The following RP1 variants were observed in gnomAD, a reference collection of about 807,000 sequenced individuals.
The protein encoded by RP1 is RP1 axonemal microtubule associated, also known as oxygen-regulated protein 1.
Under a neutral mutation model 14.8 loss-of-function variants are expected in RP1, and 16 were observed. The observed-to-expected ratio is 1.08, with a 90% CI of 0.73 to 1.65. The LOEUF (loss-of-function observed/expected upper bound fraction) is 1.65. Ranked by LOEUF, RP1 falls within the 40% of genes most tolerant of loss-of-function variation. RP1 has a pLI of 0.00. For missense variants in RP1, 2,631 were observed against 2,535.0 expected, an observed-to-expected ratio of 1.04 and a Z score of -0.81; for synonymous variants, 876 against 883.6, an observed-to-expected ratio of 0.99 and a Z score of 0.15.
chr8:54,831,111 G>T (rs1430845072), intron 24 of RP1, among the ~76,000 whole-genome samples: 1 of 151,876 alleles, frequency 6.6e-6, no homozygotes, highest in Non-Finnish European at 1.5e-5. Flanking sequence ...ATCAATTGTT[G>T]GACATTTGGT....
chr8:54,798,069 A>G (rs1810617324), intron 24 of RP1, among the ~76,000 whole-genome samples: 1 of 152,064 alleles, frequency 6.6e-6, no homozygotes, highest in South Asian at 2.1e-4. Context: ...GCTGGAGTGC[A>G]GTGGTGGGAT....
chr8:54,733,202 G>C lies in RP1; in HGVS notation c.2522-1343G>C, dbSNP rs72650355. Among the ~76,000 whole-genome samples, 431 of 152,180 alleles carry C rather than the reference G, an allele frequency of 2.8e-3. 2 individuals carry two copies. Among genetic ancestry groups the C allele is most frequent in the South Asian group, 0.013 (63 of 4,818 alleles). ...CATAGTTTACTTATTATGTGACTTG[G>C]CTATATTATTTAACTTCCCTGCTTC... On this transcript the variant is annotated intron_variant, in intron 17 of 22. Transcript: ENST00000636932.
chr8:54,716,342 A>AT (rs1808403284), intron 15 of RP1, among the ~76,000 whole-genome samples: 1 of 151,984 alleles, frequency 6.6e-6, no homozygotes, highest in Non-Finnish European at 1.5e-5. Flanking sequence ...GTCAATAATA[A>AT]TTTTTTTAAA....
chr8:54,632,433 A>G (rs966450975), downstream of RP1, among the ~76,000 whole-genome samples: 1 of 152,204 alleles, frequency 6.6e-6, no homozygotes, highest in African/African-American at 2.4e-5. Context: ...CTTTAAACAT[A>G]CTTCTTTAAA....
chr8:54,773,794 T>C (rs1275191144), downstream of RP1, among the ~76,000 whole-genome samples: 1 of 152,226 alleles, frequency 6.6e-6, no homozygotes, highest in East Asian at 1.9e-4. Flanking sequence ...ATGACTCAGC[T>C]TCCTACATGC....
At chr8:54,801,242 C>T (rs933377672) in intron 24 of RP1, among the ~76,000 whole-genome samples, 3 of 152,168 alleles carry the variant, frequency 2.0e-5, no homozygotes, top group Non-Finnish European at 4.4e-5. Flanking sequence ...CAGCTCACAG[C>T]TGTATTCCAC....
chr8:54,674,955 T>G (rs1807262190), intron 8 of RP1, among the ~76,000 whole-genome samples: 1 of 152,208 alleles, frequency 6.6e-6, no homozygotes, highest in Non-Finnish European at 1.5e-5. Flanking sequence ...ACTCCCACAG[T>G]GAGGCAAATG....
rs1808609208 is a variant in RP1, at chr8:54,724,570, G to A, written c.2390-1775G>A. ...TTTGTTTTACATTGCTAGTGATACA[G>A]TTTTCACTTTTTTTTTTAAATTGTA... On this transcript the variant is annotated intron_variant, in intron 16 of 22. Transcript: ENST00000636932. 1.3e-5 allele frequency among the ~76,000 whole-genome samples: 2 copies of A among 152,006 alleles called. 1 individual carries two copies. Among genetic ancestry groups the A allele is most frequent in the Admixed American group, 1.3e-4 (2 of 15,266 alleles).
At chr8:54,633,737 C>CTATATATATATATATATA (rs59614361), downstream of RP1, among the ~76,000 whole-genome samples, 3 of 118,804 alleles carry the variant, frequency 2.5e-5, no homozygotes, top group African/African-American at 9.8e-5. Flanking sequence ...CTCTCTCTCT[C>CTATATATATATATATATA]TATATATATA....
At chr8:54,779,524 A>C (rs1810130425) in intron 23 of RP1, among the ~76,000 whole-genome samples, 1 of 152,198 alleles carries the variant, frequency 6.6e-6, no homozygotes, top group Non-Finnish European at 1.5e-5. Context: ...AACAGGGTTA[A>C]TTTTCTGAAC....
At position 54,808,582 on chromosome 8, in the gene RP1, A is replaced by G. The variant is rs1343875410; in HGVS notation, c.3615+24872A>G. ...TGGAATACCCAGCTAGTTGTTACAG[A>G]GCATGACTCTAGAAGATGTGAGCAA... On this transcript the variant is annotated intron_variant, in intron 24 of 28. Transcript: ENST00000637698. 2.6e-5 allele frequency among the ~76,000 whole-genome samples: 4 copies of G among 152,250 alleles called. No homozygotes were observed. The East Asian group carries it at 7.7e-4, about 29-fold the overall frequency.
At chr8:54,749,804 G>A (rs900954904) in intron 19 of RP1, among the ~76,000 whole-genome samples, 1 of 151,988 alleles carries the variant, frequency 6.6e-6, no homozygotes, top group African/African-American at 2.4e-5. Flanking sequence ...GGGAAGATGG[G>A]ATGAGTGGGA....
intron 22 of RP1, among the ~76,000 whole-genome samples, chr8:54,768,780 GC>G (rs1223534534): frequency 1.3e-5 from 2 of 152,138 alleles, no homozygotes; most frequent in African/African-American, 4.8e-5. Flanking sequence ...TCAAAAGGGA[GC>G]TTCTAACACT....
At chr8:54,644,688 A>G (rs1806512854) in intron 3 of RP1, among the ~76,000 whole-genome samples, 1 of 152,100 alleles carries the variant, frequency 6.6e-6, no homozygotes, top group Non-Finnish European at 1.5e-5. Flanking sequence ...CTTATTACCA[A>G]ATCTTTTTCA....
At chr8:54,845,405 A>G (rs892378545) in intron 25 of RP1, among the ~76,000 whole-genome samples, 5 of 152,162 alleles carry the variant, frequency 3.3e-5, no homozygotes, top group African/African-American at 1.2e-4. Flanking sequence ...TATGTATGCT[A>G]GGAGCTGGGG....
intron 24 of RP1, among the ~76,000 whole-genome samples, chr8:54,800,319 T>TG (rs750767812): frequency 1.3e-4 from 19 of 151,870 alleles, no homozygotes; most frequent in Middle Eastern, 3.4e-3. Context: ...CTGTGTGTGT[T>TG]GGGGGGGTGT....
At chr8:54,610,249 C>T (rs1287908640) in intron 1 of RP1, among the ~76,000 whole-genome samples, 1 of 152,106 alleles carries the variant, frequency 6.6e-6, no homozygotes, top group East Asian at 1.9e-4. Context: ...CTTTGGCTTC[C>T]AGAACACTAC....
At chr8:54,662,273 G>A (rs1428906432) in intron 6 of RP1, among the ~76,000 whole-genome samples, 2 of 152,126 alleles carry the variant, frequency 1.3e-5, no homozygotes, top group Non-Finnish European at 2.9e-5. Context: ...TTGACTACTG[G>A]TTAATTTCAG....
intron 10 of RP1, chr8:54,679,574 T>C (rs1277435368): frequency 6.5e-7 from 1 of 1,535,974 alleles, no homozygotes; most frequent in Non-Finnish European, 8.7e-7. Flanking sequence ...TGAAATTAAT[T>C]GCCCTCTCTT....
Sources: gnomAD v4.1 joint callset for allele counts (sites outside exome capture counted in the v4.1 genomes callset) on GRCh38, gnomAD v4.1.1 for gene constraint, MANE v1.5 for transcripts, NCBI Gene and HGNC (gene_info 2026-07-23, HGNC 2026-07-21) for gene names.